Variants in ZNF280D observed in about 807,000 individuals in gnomAD.
The protein encoded by ZNF280D is suppressor of hairy wing homolog 4.
Under a neutral mutation model 94.7 loss-of-function variants are expected in ZNF280D, and 39 were observed. The ratio of observed to expected loss-of-function variants is 0.41; its 90% CI spans 0.32 to 0.54. ZNF280D has a LOEUF of 0.54. Ranked by LOEUF, ZNF280D falls within the 20% of genes least tolerant of loss-of-function variation. ZNF280D has a pLI of 0.22. For missense variants in ZNF280D, 1,090 were observed against 1,149.3 expected (o/e 0.95, Z 0.75); for synonymous variants, 398 against 377.6 (o/e 1.05, Z -0.63).
At chr15:56,715,974 A>G (rs1356961480) in intron 1 of ZNF280D, among the ~76,000 whole-genome samples, 4 of 152,318 alleles carry the variant, frequency 2.6e-5, no homozygotes, top group South Asian at 4.1e-4. Flanking sequence ...ACTTTGTATT[A>G]GGTATCATAA....
chr15:56,704,087 A>C (rs1285094819), intron 4 of ZNF280D, 34 bp downstream of exon 4: 1 of 1,610,502 alleles, frequency 6.2e-7, no homozygotes, highest in South Asian at 1.1e-5. Flanking sequence ...ATAATACCTT[A>C]TAAAGCTTGG....
At chr15:56,727,175 T>C (rs1446097850) in intron 1 of ZNF280D, among the ~76,000 whole-genome samples, 1 of 152,314 alleles carries the variant, frequency 6.6e-6, no homozygotes, top group East Asian at 1.9e-4. Flanking sequence ...CTCCCTGTTA[T>C]AAGAAGGAAA....
In ZNF280D at chr15:56,666,724, C is replaced by G. The variant is rs143046400; in HGVS notation, c.1808G>C (p.Ser603Thr). ...ATTGACTTTACTTTTTTTATTGCTA[C>G]TAGCCAATGTGCTTTGTTTCTTTTG... ...NMQKKQSTLA[S>T]SNKKSKVNTA... The change falls in exon 15 of 22, where the codon AGT (serine) becomes ACT (threonine). Residue 603 changes from serine to threonine, a missense_variant. Physicochemically the swap from Ser to Thr is moderately conservative, Grantham distance 58. This residue lies in a region of ZNF280D where 577 missense variants were observed against 568.8 expected (regional missense o/e 1.01). Transcript: ENST00000267807. The G allele has an allele frequency of 6.2e-7, 1 of 1,612,364 alleles. No homozygotes were observed.
chr15:56,693,027 A>G (rs888835999), intron 7 of ZNF280D, 71 bp downstream of exon 7: 6 of 891,216 alleles, frequency 6.7e-6, no homozygotes, highest in African/African-American at 1.7e-5. Context: ...TTCAAAACAG[A>G]AAGTCAATCT....
chr15:56,694,039 C>G (rs1241569310), intron 6 of ZNF280D, among the ~76,000 whole-genome samples: 2 of 151,984 alleles, frequency 1.3e-5, no homozygotes, highest in Non-Finnish European at 2.9e-5. Flanking sequence ...GGCCAGCTGT[C>G]CTGCTCCTGG....
At position 56,669,888 on chromosome 15, in the gene ZNF280D, T is replaced by TAA. The variant is rs371784062; in HGVS notation, c.1411-932_1411-931insTT. On this transcript the variant is annotated intron_variant, in intron 13 of 21. Transcript: ENST00000267807. Reference sequence around the variant, plus strand: ...TATATATATTTTATATATATATATATTATATATATATATAATATATATATA... The same window carrying TAA: ...TATATATATTTTATATATATATATATAATATATATATATATAATATATATATA... Among the ~76,000 whole-genome samples the TAA allele has an allele frequency of 2.3e-3, 11 of 4,768 alleles. 3 individuals carry two copies. The South Asian group carries it at 0.052, about 23-fold the overall frequency. The allele number at this position is 4,768 out of a possible 152,430, so 3.1% of individuals were successfully genotyped here. A position where few individuals can be genotyped will look rare whatever the true frequency, so the allele number is the denominator to read the frequency against.
intron 10 of ZNF280D, among the ~76,000 whole-genome samples, chr15:56,680,019 G>A (rs3784553): frequency 0.22 from 33,148 of 151,970 alleles, 3,773 homozygotes; most frequent in Middle Eastern, 0.36. Flanking sequence ...TAACCAATTC[G>A]CTTTTTCCCA....
At chr15:56,711,270 G>A (rs531615966) in intron 1 of ZNF280D, among the ~76,000 whole-genome samples, 101 of 152,298 alleles carry the variant, frequency 6.6e-4, no homozygotes, top group African/African-American at 2.3e-3. Flanking sequence ...TTATAGTGAA[G>A]ATTAAATGAG....
intron 13 of ZNF280D, among the ~76,000 whole-genome samples, chr15:56,669,856 TTA>T (rs1172556821): frequency 6.9e-5 from 2 of 29,066 alleles, no homozygotes; most frequent in African/African-American, 1.1e-4. Context: ...CCTCATTATT[TTA>T]TATATATATA....
At chr15:56,669,219 T>C (rs1052255378) in intron 13 of ZNF280D, among the ~76,000 whole-genome samples, 4 of 152,042 alleles carry the variant, frequency 2.6e-5, no homozygotes, top group Non-Finnish European at 4.4e-5. Context: ...CTATTAATTG[T>C]GGTGAGAAAT....
chr15:56,652,985 T>G (rs1199340572), intron 19 of ZNF280D: 1 of 921,878 alleles, frequency 1.1e-6, no homozygotes, highest in African/African-American at 1.8e-5. Flanking sequence ...CATTAATAAA[T>G]TTTGAGAACA....
At chr15:56,632,205 A>T (rs1051916376) in intron 21 of ZNF280D, 83 bp from the exon 22 acceptor site, 1 of 1,277,306 alleles carries the variant, frequency 7.8e-7, no homozygotes, top group East Asian at 2.6e-5. Flanking sequence ...TGTTCTAAAA[A>T]ATAAAAAGTC....
At chr15:56,661,137 G>A (rs2053918159) in intron 16 of ZNF280D, among the ~76,000 whole-genome samples, 1 of 152,096 alleles carries the variant, frequency 6.6e-6, no homozygotes. Context: ...GACAGATGGG[G>A]TAGAAGCCAG....
chr15:56,669,974 A>ATATATATATATT (rs1230973169), intron 13 of ZNF280D, among the ~76,000 whole-genome samples: 1 of 780 alleles, frequency 1.3e-3, no homozygotes, highest in African/African-American at 3.0e-3. Context: ...ATATATATAT[A>ATATATATATATT]ATATATATAT....
intron 13 of ZNF280D, among the ~76,000 whole-genome samples, chr15:56,671,493 C>A (rs745472808): frequency 4.6e-5 from 7 of 151,766 alleles, no homozygotes; most frequent in Non-Finnish European, 5.9e-5. Context: ...TGTAGGTGTG[C>A]GGTTTTATTT....
In ZNF280D at chr15:56,701,036, T is replaced by C. The variant is rs2057033190; in HGVS notation, c.278A>G (p.Tyr93Cys). The change falls in exon 6 of 22, where the codon TAC (tyrosine) becomes TGC (cysteine). Residue 93 changes from tyrosine to cysteine, a missense_variant. By Grantham distance (194) the Tyr-to-Cys change is radical. Transcript: ENST00000267807. ...CACTGGATTTGATGTTGGATTCGTG[T>C]AGTGTTGACTTGTAGGCTTGAATGC... Reference protein sequence around the residue: ...TAAFKPTSQHYTNPTSNPVPA... With the variant: ...TAAFKPTSQHCTNPTSNPVPA... The C allele has an allele frequency of 3.1e-6, 5 of 1,613,822 alleles. No homozygotes were observed. Among genetic ancestry groups the C allele is most frequent in the African/African-American group, 1.3e-5 (1 of 74,934 alleles).
intron 20 of ZNF280D, among the ~76,000 whole-genome samples, chr15:56,636,417 C>T (rs372829009): frequency 1.3e-5 from 2 of 151,514 alleles, no homozygotes; most frequent in African/African-American, 4.8e-5. Flanking sequence ...TCCTTCCCCG[C>T]AACTTACACA....
intron 1 of ZNF280D, among the ~76,000 whole-genome samples, chr15:56,714,822 C>T (rs2057951303): frequency 6.6e-6 from 1 of 152,108 alleles, no homozygotes; most frequent in Admixed American, 6.6e-5. Flanking sequence ...CAATAAAATA[C>T]TTGATAATAT....
Position 56,631,835 on chromosome 15 carries a change from T to A in ZNF280D, c.2603A>T (p.Asp868Val), listed in dbSNP as rs769701934. 6.2e-7 allele frequency: 1 copy of A among 1,613,994 alleles called. No individual in the cohort carries two copies. Among genetic ancestry groups the A allele is most frequent in the South Asian group, 1.1e-5 (1 of 91,082 alleles). The change falls in exon 22 of 22, where the codon GAT (aspartate) becomes GTT (valine). Residue 868 changes from aspartate (D) to valine (V), a missense_variant. Asp to Val is a radical substitution (Grantham distance 152). Around this residue, in one of 3 missense-constraint regions of ZNF280D, gnomAD observed 577 missense variants for 568.8 expected, o/e 1.01. Coordinates refer to ENST00000267807, the MANE Select transcript of ZNF280D (RefSeq NM_017661.4). Reference sequence around the variant, plus strand: ...AAATCTGGCTTCACTGGAGTTGTGATCTTTAATCTGATCAGATAAGATTAT... The same window carrying A: ...AAATCTGGCTTCACTGGAGTTGTGAACTTTAATCTGATCAGATAAGATTAT... ...ENIILSDQIK[D>V]HNSSEARFSS...
Sources: gnomAD v4.1 joint callset for allele counts (sites outside exome capture counted in the v4.1 genomes callset) on GRCh38, gnomAD v4.1.1 for gene constraint, gnomAD v4.1.1 regional missense constraint, MANE v1.5 for transcripts, NCBI Gene and HGNC (gene_info 2026-07-23, HGNC 2026-07-21) for gene names.